ASB1: variants seen among roughly 807,000 people sequenced by gnomAD.
ASB1 encodes the protein ankyrin repeat and SOCS box protein 1.
ASB1 carries 18 observed loss-of-function variants against 27.7 expected under a neutral mutation model. The observed-to-expected ratio is 0.65, with a 90% CI of 0.45 to 0.96. ASB1 has a LOEUF of 0.96. Among genes scored for constraint, ASB1 ranks in the 50% least tolerant of loss-of-function variants. The pLI is 0.00. For missense variants in ASB1, 397 were observed against 451.7 expected (o/e 0.88, Z 1.10); for synonymous variants, 189 against 187.6 (o/e 1.01, Z -0.06).
intron 1 of ASB1, 191 bp downstream of exon 1, chr2:238,427,310 G>A: frequency 2.6e-6 from 1 of 386,868 alleles, no homozygotes; most frequent in Non-Finnish European, 4.5e-6. Context: ...CACCACGGAC[G>A]CGCTGCCCTC....
chr2:238,442,418 C>T (rs1209065434), intron 3 of ASB1, among the ~76,000 whole-genome samples: 1 of 152,150 alleles, frequency 6.6e-6, no homozygotes, highest in Non-Finnish European at 1.5e-5. Flanking sequence ...CGCCCCATCT[C>T]TCTAATTTTT....
In ASB1 at chr2:238,433,549, T is replaced by C. The variant is rs766830602; in HGVS notation, c.50-5T>C. Reference sequence around the variant, plus strand: ...AGCTAACAGGAGCCCCTCTCTTCAGTGCAGGTCGTAATCTGAAGGAGTGGC... The same window carrying C: ...AGCTAACAGGAGCCCCTCTCTTCAGCGCAGGTCGTAATCTGAAGGAGTGGC... On this transcript the variant is annotated splice_region_variant and splice_polypyrimidine_tract_variant and intron_variant, in intron 1 of 4. Coordinates refer to ENST00000264607, the MANE Select transcript of ASB1 (RefSeq NM_001040445.3). The C allele has an allele frequency of 1.5e-5, 25 of 1,614,054 alleles. No individual in the cohort carries two copies. The highest frequency in any genetic ancestry group is 2.0e-5 in the Non-Finnish European group (24 of 1,179,982).
intron 1 of ASB1, chr2:238,433,292 T>G (rs1311848186): frequency 8.4e-6 from 3 of 357,822 alleles, no homozygotes; most frequent in South Asian, 8.6e-5. Context: ...TTTCTGTGAT[T>G]TATTTCTTTT....
Position 238,433,548 on chromosome 2 carries a change from G to A in ASB1, c.50-6G>A. 2 of 1,614,026 alleles carry A rather than the reference G, an allele frequency of 1.2e-6. No homozygotes were observed. Among genetic ancestry groups the A allele is most frequent in the South Asian group, 1.1e-5 (1 of 91,024 alleles). On this transcript the variant is annotated splice_region_variant and splice_polypyrimidine_tract_variant and intron_variant, in intron 1 of 4. Coordinates refer to ENST00000264607, the MANE Select transcript of ASB1 (RefSeq NM_001040445.3). ...GAGCTAACAGGAGCCCCTCTCTTCA[G>A]TGCAGGTCGTAATCTGAAGGAGTGG...
Position 238,435,855 on chromosome 2 carries a change from G to C in ASB1, c.336G>C (p.Gln112His). 2 of 1,614,270 alleles carry C rather than the reference G, an allele frequency of 1.2e-6. No individual in the cohort carries two copies. The highest frequency in any genetic ancestry group is 1.7e-6 in the Non-Finnish European group (2 of 1,180,048). Reference protein sequence around the residue: ...AEVDLVDVKGQTALYVAVVNG... With the variant: ...AEVDLVDVKGHTALYVAVVNG... ...TGGATCTGGTGGACGTAAAAGGACA[G>C]ACGGCCCTGTATGTGGCTGTGGTGA... The change falls in exon 3 of 5, where the codon CAG (glutamine) becomes CAC (histidine). Residue 112 changes from glutamine to histidine, a missense_variant. Gln to His is a conservative substitution (Grantham distance 24). Transcript: ENST00000264607.
intron 3 of ASB1, among the ~76,000 whole-genome samples, chr2:238,438,534 A>T (rs916068391): frequency 6.6e-6 from 1 of 152,186 alleles, no homozygotes; most frequent in Non-Finnish European, 1.5e-5. Context: ...TTACTAAGAC[A>T]TCTTACTCCC....
Position 238,441,358 on chromosome 2 carries a change from C to T in ASB1, c.495-2984C>T, listed in dbSNP as rs566553591. On this transcript the variant is annotated intron_variant, in intron 3 of 4. Transcript: ENST00000264607. ...CCACGTTGGTCAGGCTGGTCTCGAA[C>T]TCCTGGCCTCAAGTGATCTGCCTGC... Among the ~76,000 whole-genome samples the T allele has an allele frequency of 3.3e-5, 5 of 152,242 alleles. No homozygotes were observed. In the South Asian group the frequency reaches 8.3e-4, roughly 25 times the overall value.
chr2:238,433,991 C>G (rs1053004830), intron 2 of ASB1, among the ~76,000 whole-genome samples: 1 of 152,174 alleles, frequency 6.6e-6, no homozygotes, highest in Non-Finnish European at 1.5e-5. Flanking sequence ...CTGAAGGTAC[C>G]ACTGTTTCCC....
chr2:238,437,932 G>A (rs1197831388), intron 3 of ASB1, among the ~76,000 whole-genome samples: 1 of 152,182 alleles, frequency 6.6e-6, no homozygotes, highest in Non-Finnish European at 1.5e-5. Context: ...GAGTGGTAAG[G>A]TTGTTATGTT....
chr2:238,451,546 T>A lies in ASB1; in HGVS notation c.*5035T>A, dbSNP rs2106414054. On this transcript the variant is annotated 3_prime_UTR_variant, in exon 5 of 5. Transcript: ENST00000264607. ...ATGACTTGGAGGGGGGCCTGGTGCC[T>A]GGGGACCTGCTGAAGAGAATGCTCA... 1 of 152,992 alleles carries A rather than the reference T, an allele frequency of 6.5e-6. No individual in the cohort carries two copies. Among genetic ancestry groups the A allele is most frequent in the Non-Finnish European group, 1.5e-5 (1 of 68,278 alleles). 9.5% of individuals were successfully genotyped at this position (152,992 alleles called of 1,614,324 possible).
In ASB1 at chr2:238,433,760, C is replaced by T. The variant is rs934540340; in HGVS notation, c.191+65C>T. On this transcript the variant is annotated intron_variant, in intron 2 of 4. Transcript: ENST00000264607. Reference sequence around the variant, plus strand: ...CCTGAAGGTCTGTGTGAAGCTGAGCCCCACAGTCGCTGTGCAGATGAAGAC... The same window carrying T: ...CCTGAAGGTCTGTGTGAAGCTGAGCTCCACAGTCGCTGTGCAGATGAAGAC... 1.9e-6 allele frequency: 3 copies of T among 1,572,976 alleles called. No individual in the cohort carries two copies. In the African/African-American group the frequency reaches 4.1e-5, roughly 21 times the overall value.
intron 3 of ASB1, among the ~76,000 whole-genome samples, chr2:238,439,564 A>G (rs1438457442): frequency 2.0e-5 from 3 of 152,024 alleles, no homozygotes; most frequent in Non-Finnish European, 4.4e-5. Flanking sequence ...CTCCCCACAT[A>G]TTGTCCTTTC....
intron 3 of ASB1, 89 bp downstream of exon 3, chr2:238,436,102 C>G (rs1405148095): frequency 8.6e-6 from 11 of 1,276,506 alleles, no homozygotes; most frequent in Non-Finnish European, 1.2e-5. Context: ...GAATTCGGCT[C>G]TTTAGATGAC....
intron 2 of ASB1, 66 bp from the exon 3 acceptor site, chr2:238,435,645 G>A: frequency 6.7e-7 from 1 of 1,492,272 alleles, no homozygotes; most frequent in South Asian, 1.3e-5. Flanking sequence ...CAGGGTGAGG[G>A]GGGCAGTGCA....
chr2:238,435,588 C>A (rs1334634450), intron 2 of ASB1, 123 bp from the exon 3 acceptor site: 6 of 1,006,908 alleles, frequency 6.0e-6, no homozygotes, highest in Non-Finnish European at 8.6e-6. Flanking sequence ...GAAGGCAGAG[C>A]CCAGGTGGAG....
At position 238,446,488 on chromosome 2, in the gene ASB1, A is replaced by G. The variant is rs1212202560; in HGVS notation, c.985A>G (p.Lys329Glu). ...TTCGCTGCCTCTGCCAGACCCCATA[A>G]AGAAGTTTCTACTCCATGAGTAGAC... ...IPSLPLPDPIKKFLLHE is the reference protein window; with the variant it reads ...IPSLPLPDPIEKFLLHE Residue 329 changes from lysine to glutamate, a missense_variant, in exon 5 of 5, where the codon AAG (lysine) becomes GAG (glutamate). Physicochemically the swap from Lys to Glu is moderately conservative, Grantham distance 56. Transcript: ENST00000264607. The G allele has an allele frequency of 3.7e-6, 6 of 1,613,964 alleles. No individual in the cohort carries two copies. In the African/African-American group the frequency reaches 8.0e-5, roughly 22 times the overall value.
rs776952595 is a variant in ASB1, at chr2:238,435,828, G to T, written c.309G>T (p.Glu103Asp). 13 of 1,614,266 alleles carry T rather than the reference G, an allele frequency of 8.1e-6. No individual in the cohort carries two copies. The South Asian group carries it at 1.4e-4, about 18-fold the overall frequency. Residue 103 changes from glutamate to aspartate, a missense_variant, in exon 3 of 5, where the codon GAG becomes GAT. Physicochemically the swap from Glu to Asp is conservative, Grantham distance 45. Transcript: ENST00000264607. ...ACTTCCTCATCCGGAAGGGGGCCGA[G>T]GTGGATCTGGTGGACGTAAAAGGAC... is the stretch of plus-strand genomic sequence containing the variant. ...CVDFLIRKGAEVDLVDVKGQT... is the reference protein window; with the variant it reads ...CVDFLIRKGADVDLVDVKGQT...
chr2:238,443,098 TTTAG>T (rs1702110189), intron 3 of ASB1, among the ~76,000 whole-genome samples: 1 of 152,212 alleles, frequency 6.6e-6, no homozygotes, highest in Admixed American at 6.5e-5. Context: ...AATCAACTTA[TTTAG>T]TTCTAGTAAT....
Position 238,427,022 on chromosome 2 carries a change from C to CGGTCA in ASB1, c.-49_-48insGGTCA, listed in dbSNP as rs1559410694. On this transcript the variant is annotated 5_prime_UTR_variant, in exon 1 of 5. Transcript: ENST00000264607. ...TGGTCGCGGGTCGTTCTGCTTCCTG[C>CGGTCA]CCGAGGGGCGTGCGCGGGTCAGGGG... 1 of 1,233,372 alleles carries CGGTCA rather than the reference C, an allele frequency of 8.1e-7. No individual in the cohort carries two copies. The highest frequency in any genetic ancestry group is 1.0e-6 in the Non-Finnish European group (1 of 986,608). The allele number at this position is 1,233,372 out of a possible 1,614,324, so 76.4% of individuals were successfully genotyped here.
Sources: gnomAD v4.1 joint callset for allele counts (sites outside exome capture counted in the v4.1 genomes callset) on GRCh38, gnomAD v4.1.1 for gene constraint, MANE v1.5 for transcripts, NCBI Gene and HGNC (gene_info 2026-07-23, HGNC 2026-07-21) for gene names.